DLGAP1: variants seen among roughly 807,000 people sequenced by gnomAD.
DLGAP1 encodes disks large-associated protein 1.
A neutral mutation model predicts 90.8 loss-of-function variants in DLGAP1; 11 were observed. That is an observed-to-expected ratio of 0.12 (90% CI 0.08 to 0.20). The LOEUF (loss-of-function observed/expected upper bound fraction) is 0.20, where lower values mean the gene tolerates loss of function less well. DLGAP1 is among the 10% of genes least tolerant of loss of function. The pLI, the probability that DLGAP1 is intolerant of heterozygous loss-of-function variation, is 1.00. For synonymous variants in DLGAP1, 558 were observed against 540.7 expected (o/e 1.03, Z -0.44); for missense variants, 1,050 against 1,333.8 (o/e 0.79, Z 3.31).
In DLGAP1 at chr18:3,976,300, C is replaced by T. The variant is rs1214737283; in HGVS notation, c.-73+28816G>A. Among the ~76,000 whole-genome samples the T allele has an allele frequency of 7.9e-5, 12 of 151,522 alleles. No homozygotes were observed. The East Asian group carries it at 9.7e-4, about 12-fold the overall frequency. Reference sequence around the variant, plus strand: ...CTGAGGAAGGAGAATCGCTTGAACCCGGGAGGCAGAGGTTGCACTGCACTC... The same window carrying T: ...CTGAGGAAGGAGAATCGCTTGAACCTGGGAGGCAGAGGTTGCACTGCACTC... On this transcript the variant is annotated intron_variant, in intron 3 of 12. Transcript: ENST00000315677.
chr18:4,325,545 C>G (rs1173684068), intron 1 of DLGAP1, among the ~76,000 whole-genome samples: 2 of 151,862 alleles, frequency 1.3e-5, no homozygotes, highest in Non-Finnish European at 2.9e-5. Flanking sequence ...AACAAAAAGC[C>G]CAAATAGCCA....
At chr18:3,500,985 C>A (rs2049899208) in intron 12 of DLGAP1, among the ~76,000 whole-genome samples, 1 of 152,092 alleles carries the variant, frequency 6.6e-6, no homozygotes, top group Non-Finnish European at 1.5e-5. Flanking sequence ...GCAACCACGG[C>A]TCACTGCAGA....
chr18:3,924,191 G>A (rs888397479), intron 3 of DLGAP1, among the ~76,000 whole-genome samples: 2 of 152,162 alleles, frequency 1.3e-5, no homozygotes, highest in African/African-American at 2.4e-5. Flanking sequence ...TAGCTACATC[G>A]CCATAGAATC....
chr18:3,892,322 C>T (rs968769473), intron 3 of DLGAP1, among the ~76,000 whole-genome samples: 15 of 152,118 alleles, frequency 9.9e-5, no homozygotes, highest in Admixed American at 2.0e-4. Flanking sequence ...CCTGACCCGG[C>T]GTCCATCTGC....
chr18:3,729,208 G>A lies in DLGAP1; in HGVS notation c.1518C>T (p.Asp506=), dbSNP rs1487023315. ...RAIEKGCSQD[D]ECVSLRSSSP... ...AGGACGACCTCAGGGACACGCACTCGTCGTCCTGGGAGCAGCCTTTCTCAA... is the reference window on the plus strand; with the variant it reads ...AGGACGACCTCAGGGACACGCACTCATCGTCCTGGGAGCAGCCTTTCTCAA... The change falls in exon 7 of 13, where the codon GAC becomes GAT. Residue 506 remains aspartate (D), a synonymous_variant. Coordinates refer to ENST00000315677, the MANE Select transcript of DLGAP1 (RefSeq NM_004746.4). The surrounding 1 kb of genome is among the most constrained non-coding windows in gnomAD (Gnocchi z 6.2). 3 of 1,613,636 alleles carry A rather than the reference G, an allele frequency of 1.9e-6. No individual in the cohort carries two copies. The highest frequency in any genetic ancestry group is 2.5e-6 in the Non-Finnish European group (3 of 1,179,840).
At chr18:3,917,193 T>G (rs2072163972) in intron 3 of DLGAP1, among the ~76,000 whole-genome samples, 1 of 152,246 alleles carries the variant, frequency 6.6e-6, no homozygotes, top group African/African-American at 2.4e-5. Context: ...ATTTTTGAAT[T>G]AATGATATTT....
At chr18:4,207,043 G>C (rs562640423) in intron 1 of DLGAP1, among the ~76,000 whole-genome samples, 1 of 152,252 alleles carries the variant, frequency 6.6e-6, no homozygotes, top group South Asian at 2.1e-4. Flanking sequence ...AATTGCAGAT[G>C]GTGGGTAAGC....
intron 7 of DLGAP1, among the ~76,000 whole-genome samples, chr18:3,643,115 A>C (rs1443869368): frequency 2.0e-5 from 3 of 152,236 alleles, no homozygotes; most frequent in Non-Finnish European, 4.4e-5. Flanking sequence ...CCTAGCAAAG[A>C]AGGAAGAAGA....
At chr18:3,658,564 T>C (rs573365025) in intron 7 of DLGAP1, among the ~76,000 whole-genome samples, 1 of 152,232 alleles carries the variant, frequency 6.6e-6, no homozygotes, top group Non-Finnish European at 1.5e-5. Context: ...AGCCTTTCAT[T>C]GCAAAAATAA....
intron 7 of DLGAP1, among the ~76,000 whole-genome samples, chr18:3,715,398 T>G (rs2061728896): frequency 6.6e-6 from 1 of 152,224 alleles, no homozygotes; most frequent in East Asian, 1.9e-4. Context: ...TACTAGAGCT[T>G]GCACAGTGCT....
intron 2 of DLGAP1, among the ~76,000 whole-genome samples, chr18:4,037,646 GA>G (rs2149141158): frequency 6.6e-6 from 1 of 152,248 alleles, no homozygotes; most frequent in Admixed American, 6.5e-5. Context: ...GAACTTTTTA[GA>G]CTCAGGGAAC....
intron 7 of DLGAP1, among the ~76,000 whole-genome samples, chr18:3,589,180 T>C (rs2056089289): frequency 1.3e-5 from 2 of 151,672 alleles, no homozygotes. Context: ...AGAATGAAAC[T>C]CCGTCTGAAA....
At chr18:4,019,548 G>A (rs1336208265) in intron 2 of DLGAP1, among the ~76,000 whole-genome samples, 3 of 152,040 alleles carry the variant, frequency 2.0e-5, no homozygotes, top group African/African-American at 7.2e-5. Flanking sequence ...TGTCTTTGGG[G>A]AAGAATATTC....
chr18:4,118,316 G>A (rs1269900329), intron 2 of DLGAP1, among the ~76,000 whole-genome samples: 3 of 152,116 alleles, frequency 2.0e-5, no homozygotes, highest in African/African-American at 7.2e-5. Flanking sequence ...CACAAGAGCT[G>A]GGGGTAGAAC....
intron 2 of DLGAP1, among the ~76,000 whole-genome samples, chr18:4,026,083 G>A (rs926030109): frequency 6.6e-6 from 1 of 152,144 alleles, no homozygotes; most frequent in African/African-American, 2.4e-5. Context: ...AGGTTCTTGC[G>A]GCAGCAATAA....
Position 3,961,230 on chromosome 18 carries a change from A to T in DLGAP1, c.-73+43886T>A, listed in dbSNP as rs556025666. 7.2e-5 allele frequency among the ~76,000 whole-genome samples: 11 copies of T among 152,234 alleles called. No homozygotes were observed. In the East Asian group the frequency reaches 2.1e-3, roughly 30 times the overall value. On this transcript the variant is annotated intron_variant, in intron 3 of 12. Coordinates refer to ENST00000315677, the MANE Select transcript of DLGAP1 (RefSeq NM_004746.4). ...AGGCCTCTCTCCTGCGGTATGAGTG[A>T]CAGTGGGTACACACCTCCTTTGGGC...
At chr18:3,982,438 C>T (rs1334118864) in intron 3 of DLGAP1, among the ~76,000 whole-genome samples, 1 of 152,102 alleles carries the variant, frequency 6.6e-6, no homozygotes, top group East Asian at 1.9e-4. Context: ...ATTAACTTTG[C>T]AATTAATATT....
In DLGAP1 at chr18:4,342,357, A is replaced by G. The variant is rs1324587777; in HGVS notation, c.-267+112649T>C. ...TTATACTTATGAATATAAATAGAAT[A>G]TGTTAAATGGATAAACACTCCCAAA... On this transcript the variant is annotated intron_variant, in intron 1 of 12. Coordinates refer to ENST00000315677, the MANE Select transcript of DLGAP1 (RefSeq NM_004746.4). This position sits in a 1 kb window ranked among gnomAD's most constrained non-coding sequence, Gnocchi z 5.8. Among the ~76,000 whole-genome samples, 1 of 152,200 alleles carries G rather than the reference A, an allele frequency of 6.6e-6. No individual in the cohort carries two copies. Among genetic ancestry groups the G allele is most frequent in the Non-Finnish European group, 1.5e-5 (1 of 68,034 alleles).
intron 3 of DLGAP1, among the ~76,000 whole-genome samples, chr18:3,979,586 G>C (rs2073680095): frequency 6.6e-6 from 1 of 152,192 alleles, no homozygotes; most frequent in Admixed American, 6.5e-5. Flanking sequence ...GGAAAGAAAA[G>C]ATGTTGGTAA....
Sources: allele counts gnomAD v4.1 joint callset (sites outside exome capture counted in the v4.1 genomes callset), GRCh38; gene constraint gnomAD v4.1.1; non-coding constraint Gnocchi (gnomAD v3.1); transcripts MANE v1.5; gene names NCBI Gene and HGNC (gene_info 2026-07-23, HGNC 2026-07-21).